Variants in TBC1D12 observed in about 807,000 individuals in gnomAD.
TBC1D12 encodes TBC1 domain family, member 12.
TBC1D12 carries 56 observed loss-of-function variants against 86.7 expected under a neutral mutation model. The ratio of observed to expected loss-of-function variants is 0.65; its 90% CI spans 0.52 to 0.81. TBC1D12 has a LOEUF of 0.81. Among genes scored for constraint, TBC1D12 ranks in the 30% least tolerant of loss-of-function variants. The pLI is 0.00. For synonymous variants in TBC1D12, 421 were observed against 411.7 expected, an observed-to-expected ratio of 1.02 and a Z score of -0.27; for missense variants, 1,023 against 1,038.8, an observed-to-expected ratio of 0.98 and a Z score of 0.21.
chr10:94,472,201 C>G (rs1424237776), intron 2 of TBC1D12, among the ~76,000 whole-genome samples: 1 of 152,096 alleles, frequency 6.6e-6, no homozygotes, highest in Non-Finnish European at 1.5e-5. Flanking sequence ...CCCAGGAGTT[C>G]AAGAACAGCC....
intron 2 of TBC1D12, among the ~76,000 whole-genome samples, chr10:94,443,449 A>G (rs569080310): frequency 4.6e-5 from 7 of 152,192 alleles, no homozygotes; most frequent in Non-Finnish European, 8.8e-5. Flanking sequence ...CCTGGCTTGT[A>G]GTTAATTTTC....
intron 1 of TBC1D12, among the ~76,000 whole-genome samples, chr10:94,405,791 T>C (rs1306309462): frequency 1.3e-5 from 2 of 151,822 alleles, no homozygotes. Flanking sequence ...GATGCATATA[T>C]ATACATTGCA....
intron 3 of TBC1D12, among the ~76,000 whole-genome samples, chr10:94,480,522 T>A (rs1418192769): frequency 6.6e-6 from 1 of 152,086 alleles, no homozygotes; most frequent in African/African-American, 2.4e-5. Flanking sequence ...CGGCTTTGAC[T>A]CTGCTGTTCA....
chr10:94,533,261 G>A lies in TBC1D12; in HGVS notation c.*165G>A. On this transcript the variant is annotated 3_prime_UTR_variant, in exon 13 of 13. Coordinates refer to ENST00000225235, the MANE Select transcript of TBC1D12 (RefSeq NM_015188.2). The stretch of plus-strand genomic sequence containing the variant: ...TTTATGGCTGAAGTAAATGAAATAA[G>A]TAACTTATTGACAGTATTAATAAAC... The A allele has an allele frequency of 2.0e-6, 1 of 491,434 alleles. No homozygotes were observed. The highest frequency in any genetic ancestry group is 3.5e-6 in the Non-Finnish European group (1 of 282,224). 30.4% of individuals were successfully genotyped at this position (491,434 alleles called of 1,614,324 possible).
chr10:94,403,890 T>A (rs1056486868), intron 1 of TBC1D12, among the ~76,000 whole-genome samples: 42 of 152,184 alleles, frequency 2.8e-4, no homozygotes, highest in African/African-American at 9.9e-4. Context: ...TTGGGCCAGC[T>A]GTCTAGTGCC....
chr10:94,501,455 A>G (rs2056395415), intron 6 of TBC1D12: 1 of 154,248 alleles, frequency 6.5e-6, no homozygotes, highest in Non-Finnish European at 1.5e-5. Context: ...AAAAACCTTT[A>G]AAGAACAGAA....
At chr10:94,478,731 C>T (rs908901839) in intron 3 of TBC1D12, among the ~76,000 whole-genome samples, 1 of 152,220 alleles carries the variant, frequency 6.6e-6, no homozygotes, top group Non-Finnish European at 1.5e-5. Flanking sequence ...GTTTAGTCCT[C>T]ACATCCAGAT....
chr10:94,444,321 T>A lies in TBC1D12; in HGVS notation c.1095+2302T>A, dbSNP rs867343835. Among the ~76,000 whole-genome samples the A allele has an allele frequency of 3.0e-4, 46 of 152,242 alleles. 1 individual carries two copies. In the South Asian group the frequency reaches 3.7e-3, roughly 12 times the overall value. ...TTATTAAACAGAATCATTAGGTATTTCTTTTGGCTTAAGAGTTACTGTGAA... is the reference window on the plus strand; with the variant it reads ...TTATTAAACAGAATCATTAGGTATTACTTTTGGCTTAAGAGTTACTGTGAA... On this transcript the variant is annotated intron_variant, in intron 2 of 12. Transcript: ENST00000225235.
intron 3 of TBC1D12, among the ~76,000 whole-genome samples, chr10:94,479,040 TATCA>T (rs2056037603): frequency 6.6e-6 from 1 of 152,178 alleles, no homozygotes; most frequent in Admixed American, 6.5e-5. Context: ...GAAATACAGC[TATCA>T]ATCAATTTTC....
chr10:94,447,072 A>G (rs528635469), intron 2 of TBC1D12, among the ~76,000 whole-genome samples: 2 of 151,768 alleles, frequency 1.3e-5, no homozygotes, highest in Non-Finnish European at 1.5e-5. Context: ...AAAAAAAAAA[A>G]AAAACCTTTT....
chr10:94,427,820 A>C (rs779458930), intron 1 of TBC1D12, among the ~76,000 whole-genome samples: 1 of 131,094 alleles, frequency 7.6e-6, no homozygotes, highest in Non-Finnish European at 1.6e-5. Context: ...TGACAAAGTG[A>C]GACCCTGTCT....
chr10:94,522,077 C>T lies in TBC1D12; in HGVS notation c.1884C>T (p.His628=), dbSNP rs775189712. 11 of 1,611,972 alleles carry T rather than the reference C, an allele frequency of 6.8e-6. No homozygotes were observed. In the Middle Eastern group the frequency reaches 6.6e-4, roughly 97 times the overall value. The change falls in exon 10 of 13, where the codon CAC becomes CAT. Residue 628 remains histidine, a synonymous_variant. Transcript: ENST00000225235. ...AGTTGGCCTTTTTTCGTGTGGATCA[C>T]AGCATGGTATGAATGGATCATGTTT... ...PCQLAFFRVD[H]SMMLKYFATF...
intron 1 of TBC1D12, among the ~76,000 whole-genome samples, chr10:94,406,707 G>A (rs1291252167): frequency 6.6e-6 from 1 of 152,188 alleles, no homozygotes; most frequent in East Asian, 1.9e-4. Flanking sequence ...ACCCCTAAAT[G>A]CATAGTTGCT....
chr10:94,437,266 G>C (rs2055313979), intron 1 of TBC1D12, among the ~76,000 whole-genome samples: 1 of 151,932 alleles, frequency 6.6e-6, no homozygotes, highest in Non-Finnish European at 1.5e-5. Context: ...TCTGCTTAAA[G>C]TTGTTGAGTT....
chr10:94,533,213 G>A lies in TBC1D12; in HGVS notation c.*117G>A. On this transcript the variant is annotated 3_prime_UTR_variant, in exon 13 of 13. Transcript: ENST00000225235. The stretch of plus-strand genomic sequence containing the variant: ...TGGAGATACCTAAAAGAATCAAGAG[G>A]TGGAAAACTGCTGATTTTACATTTT... The A allele has an allele frequency of 1.8e-6, 1 of 559,320 alleles. No homozygotes were observed. Among genetic ancestry groups the A allele is most frequent in the Non-Finnish European group, 3.1e-6 (1 of 326,560 alleles). The allele number at this position is 559,320 out of a possible 1,614,324, so 34.6% of individuals were successfully genotyped here.
At chr10:94,526,229 G>C (rs1424329934) in intron 11 of TBC1D12, among the ~76,000 whole-genome samples, 1 of 151,994 alleles carries the variant, frequency 6.6e-6, no homozygotes, top group Non-Finnish European at 1.5e-5. Context: ...CTCAGAGTTT[G>C]AGACCAGCCT....
intron 1 of TBC1D12, among the ~76,000 whole-genome samples, chr10:94,433,878 T>C (rs2055254734): frequency 6.6e-6 from 1 of 152,198 alleles, no homozygotes; most frequent in Non-Finnish European, 1.5e-5. Flanking sequence ...GGAATGCTTT[T>C]TTTTTTCTCC....
chr10:94,462,454 C>A (rs140718200), intron 2 of TBC1D12, among the ~76,000 whole-genome samples: 24 of 152,244 alleles, frequency 1.6e-4, no homozygotes, highest in Admixed American at 5.9e-4. Flanking sequence ...ACTGAAATGT[C>A]TTAGACATTG....
intron 3 of TBC1D12, among the ~76,000 whole-genome samples, chr10:94,484,635 A>G (rs2056133704): frequency 6.6e-6 from 1 of 152,218 alleles, no homozygotes; most frequent in Non-Finnish European, 1.5e-5. Context: ...TCTGTGAAGA[A>G]TATCATTGGT....
Sources: allele counts gnomAD v4.1 joint callset (sites outside exome capture counted in the v4.1 genomes callset), GRCh38; gene constraint gnomAD v4.1.1; transcripts MANE v1.5; gene names NCBI Gene and HGNC (gene_info 2026-07-23, HGNC 2026-07-21).